The following PCGF5 variants were observed in gnomAD, a reference collection of about 807,000 sequenced individuals.
PCGF5 encodes polycomb group RING finger protein 5.
In PCGF5, 9 loss-of-function variants were observed where a neutral mutation model predicts 44.3. The observed-to-expected ratio is 0.20, with a 90% CI of 0.12 to 0.35. The LOEUF (loss-of-function observed/expected upper bound fraction) is 0.35. Ranked by LOEUF, PCGF5 falls within the 10% of genes least tolerant of loss-of-function variation. PCGF5 has a pLI of 1.00. For missense variants in PCGF5, 146 were observed against 305.3 expected (o/e 0.48, Z 3.89); for synonymous variants, 95 against 102.5 (o/e 0.93, Z 0.44).
At chr10:91,189,502 T>A (rs978471035) in intron 1 of PCGF5, among the ~76,000 whole-genome samples, 1 of 152,270 alleles carries the variant, frequency 6.6e-6, no homozygotes, top group Non-Finnish European at 1.5e-5. Context: ...AGGTTCAAGA[T>A]GAATTCTACT....
intron 7 of PCGF5, 66 bp from the exon 8 acceptor site, chr10:91,264,365 A>G: frequency 7.3e-7 from 1 of 1,361,226 alleles, no homozygotes; most frequent in Non-Finnish European, 1.0e-6. Flanking sequence ...TGAAATTTCA[A>G]AAAATATGCA....
chr10:91,157,541 T>A, the PCGF5 span, among the ~76,000 whole-genome samples: 1 of 152,100 alleles, frequency 6.6e-6, no homozygotes, highest in Non-Finnish European at 1.5e-5. Flanking sequence ...ATAACAGTTG[T>A]AAAGAGAAAA....
At chr10:91,257,022 A>G (rs893319376) in intron 6 of PCGF5, among the ~76,000 whole-genome samples, 3 of 152,152 alleles carry the variant, frequency 2.0e-5, no homozygotes, top group African/African-American at 7.2e-5. Context: ...CTTAAAGTGA[A>G]AAAAGTTACA....
chr10:91,233,111 A>G (rs1234507120), intron 2 of PCGF5, among the ~76,000 whole-genome samples: 1 of 152,198 alleles, frequency 6.6e-6, no homozygotes, highest in African/African-American at 2.4e-5. Flanking sequence ...GAGTGACACT[A>G]TCAAGGGTAT....
chr10:91,174,240 C>T (rs1392622411), intron 1 of PCGF5, among the ~76,000 whole-genome samples: 1 of 152,092 alleles, frequency 6.6e-6, no homozygotes, highest in Non-Finnish European at 1.5e-5. Flanking sequence ...GGCACAGTGG[C>T]TCATGCCTGT....
chr10:91,156,594 G>A, the PCGF5 span, among the ~76,000 whole-genome samples: 2 of 152,142 alleles, frequency 1.3e-5, no homozygotes, highest in African/African-American at 4.8e-5. Flanking sequence ...CTGTCACTAT[G>A]AACTATGCCC....
intron 2 of PCGF5, among the ~76,000 whole-genome samples, chr10:91,239,622 G>A (rs1845269181): frequency 6.6e-6 from 1 of 152,148 alleles, no homozygotes; most frequent in Non-Finnish European, 1.5e-5. Context: ...GTATTAGGAT[G>A]AGGAATTGAA....
At chr10:91,246,965 G>GGATAGATAGATA (rs67397753) in intron 3 of PCGF5, among the ~76,000 whole-genome samples, 1 of 144,854 alleles carries the variant, frequency 6.9e-6, no homozygotes, top group Admixed American at 6.9e-5. Flanking sequence ...ATGGATAGAT[G>GGATAGATAGATA]GATAGATAGA....
chr10:91,251,941 C>T (rs919393849), intron 6 of PCGF5, among the ~76,000 whole-genome samples: 2 of 152,062 alleles, frequency 1.3e-5, no homozygotes, highest in Non-Finnish European at 2.9e-5. Flanking sequence ...CTTTTAAACT[C>T]CTTGAAGGCC....
intron 6 of PCGF5, among the ~76,000 whole-genome samples, chr10:91,257,420 A>G (rs1265992084): frequency 6.6e-6 from 1 of 152,116 alleles, no homozygotes; most frequent in African/African-American, 2.4e-5. Flanking sequence ...TGACGTGGTA[A>G]TTCCACTTCT....
At position 91,280,460 on chromosome 10, in the gene PCGF5, A is replaced by C. The variant is rs1846426299; in HGVS notation, c.*2144A>C. The C allele has an allele frequency of 6.6e-6, 1 of 152,508 alleles. No homozygotes were observed. The highest frequency in any genetic ancestry group is 1.5e-5 in the Non-Finnish European group (1 of 67,908). 9.4% of individuals were successfully genotyped at this position (152,508 alleles called of 1,614,324 possible). A position where few individuals can be genotyped will look rare whatever the true frequency, so the allele number is the denominator to read the frequency against. Reference sequence around the variant, plus strand: ...TTTCCAAGGAAATATATAGGAAGCAATTATGAAACTGAGAATAGTTTTATA... The same window carrying C: ...TTTCCAAGGAAATATATAGGAAGCACTTATGAAACTGAGAATAGTTTTATA... On this transcript the variant is annotated 3_prime_UTR_variant, in exon 10 of 10. Transcript: ENST00000336126.
intron 2 of PCGF5, among the ~76,000 whole-genome samples, chr10:91,235,901 C>T (rs762776956): frequency 7.2e-5 from 11 of 152,100 alleles, no homozygotes; most frequent in Admixed American, 2.0e-4. Context: ...TGCACAGTCT[C>T]AGGTATGTCT....
intron 1 of PCGF5, among the ~76,000 whole-genome samples, chr10:91,204,381 G>T (rs1486982155): frequency 6.6e-6 from 1 of 151,274 alleles, no homozygotes; most frequent in Non-Finnish European, 1.5e-5. Context: ...TTAGATGATT[G>T]CACTCAAGTA....
intron 3 of PCGF5, among the ~76,000 whole-genome samples, chr10:91,242,843 T>G (rs1389130221): frequency 1.3e-5 from 2 of 152,206 alleles, no homozygotes; most frequent in Admixed American, 1.3e-4. Context: ...GGATATTATA[T>G]TACATAACCA....
Position 91,233,389 on chromosome 10 carries a change from G to T in PCGF5, c.113-7095G>T, listed in dbSNP as rs990511961. Among the ~76,000 whole-genome samples, 7 of 152,180 alleles carry T rather than the reference G, an allele frequency of 4.6e-5. No homozygotes were observed. In the East Asian group the frequency reaches 1.4e-3, roughly 29 times the overall value. ...CTGTTCAAGCAAGGTGTGCTTCGCTGCCTGTTGCTTTGTCTTAGCAAAAAA... is the reference window on the plus strand; with the variant it reads ...CTGTTCAAGCAAGGTGTGCTTCGCTTCCTGTTGCTTTGTCTTAGCAAAAAA... On this transcript the variant is annotated intron_variant, in intron 2 of 9. Coordinates refer to ENST00000336126, the MANE Select transcript of PCGF5 (RefSeq NM_032373.5).
chr10:91,241,681 AAAG>A (rs990206199), intron 3 of PCGF5, among the ~76,000 whole-genome samples: 2 of 152,162 alleles, frequency 1.3e-5, no homozygotes, highest in Non-Finnish European at 1.5e-5. Flanking sequence ...AAAAAAAAAA[AAAG>A]AAGCTACTCA....
At position 91,281,350 on chromosome 10, in the gene PCGF5, C is replaced by A. The variant is rs1846448888; in HGVS notation, c.*3034C>A. ...TGACTTTGCTCAACTACATTACACA[C>A]TCAAATGTAATCTAAATTTAAACTG... On this transcript the variant is annotated 3_prime_UTR_variant, in exon 10 of 10. Transcript: ENST00000336126. 6.6e-6 allele frequency: 1 copy of A among 152,414 alleles called. No homozygotes were observed. The highest frequency in any genetic ancestry group is 6.6e-5 in the Admixed American group (1 of 15,266). The allele number at this position is 152,414 out of a possible 1,614,324, so 9.4% of individuals were successfully genotyped here. A position where few individuals can be genotyped will look rare whatever the true frequency, so the allele number is the denominator to read the frequency against.
At chr10:91,178,548 C>A (rs1589352295) in intron 1 of PCGF5, among the ~76,000 whole-genome samples, 1 of 151,920 alleles carries the variant, frequency 6.6e-6, no homozygotes, top group East Asian at 1.9e-4. Flanking sequence ...ATTCACCACA[C>A]CCGGCTAATT....
chr10:91,165,644 A>C (rs1843486410), intron 1 of PCGF5, among the ~76,000 whole-genome samples: 1 of 152,222 alleles, frequency 6.6e-6, no homozygotes, highest in Non-Finnish European at 1.5e-5. Context: ...TATGCTGCAG[A>C]GGCCTTAACT....
Sources: allele counts gnomAD v4.1 joint callset (sites outside exome capture counted in the v4.1 genomes callset), GRCh38; gene constraint gnomAD v4.1.1; transcripts MANE v1.5; gene names NCBI Gene and HGNC (gene_info 2026-07-23, HGNC 2026-07-21).